Variants in FREM3 observed in about 807,000 individuals in gnomAD.
FREM3 encodes the protein FRAS1 related extracellular matrix 3, also known as FRAS1-related extracellular matrix protein 3.
FREM3 carries 105 observed loss-of-function variants against 129.1 expected under a neutral mutation model. The observed-to-expected ratio is 0.81, with a 90% confidence interval of 0.69 to 0.96. FREM3 has a LOEUF of 0.96. FREM3 is among the 40% of genes least tolerant of loss of function. The pLI is 0.00. For missense variants in FREM3, 2,593 were observed against 2,666.3 expected (o/e 0.97, Z 0.61); for synonymous variants, 1,014 against 1,044.9 (o/e 0.97, Z 0.57).
intron 6 of FREM3, among the ~76,000 whole-genome samples, chr4:143,610,996 C>T (rs895367318): frequency 1.3e-5 from 2 of 152,094 alleles, no homozygotes; most frequent in Admixed American, 1.3e-4. Flanking sequence ...GACTTAGGTC[C>T]TCTCCCTGGC....
rs370145992 is a variant in FREM3 at position 143,624,316 on chromosome 4, A to G, written c.5445T>C (p.Thr1815=). The part of the protein sequence containing the change: ...SFISIGTKDE[T]AKKDKDFKWK... ...ATTTGAAATCTTTGTCTTTTTTTGC[A>G]GTTTCATCTTTGGTACCAATGCCTG... Residue 1815 remains threonine (T), a synonymous_variant, in exon 4 of 8, where the codon ACT becomes ACC. Transcript: ENST00000329798. 2 of 1,536,396 alleles carry G rather than the reference A, an allele frequency of 1.3e-6. No homozygotes were observed. Among genetic ancestry groups the G allele is most frequent in the Non-Finnish European group, 1.7e-6 (2 of 1,146,402 alleles).
intron 2 of FREM3, among the ~76,000 whole-genome samples, chr4:143,673,328 C>T (rs562854364): frequency 1.3e-5 from 2 of 152,354 alleles, no homozygotes; most frequent in East Asian, 3.9e-4. Flanking sequence ...CCCTAAGCTG[C>T]AGGTCTGTTG....
intron 6 of FREM3, among the ~76,000 whole-genome samples, chr4:143,589,863 C>T (rs1738324609): frequency 6.6e-6 from 1 of 152,158 alleles, no homozygotes; most frequent in Admixed American, 6.5e-5. Flanking sequence ...TTGATTCTTC[C>T]TACCCATGAG....
In FREM3 at chr4:143,696,109, A is replaced by C; in HGVS notation, c.4567T>G (p.Phe1523Val). The change falls in exon 1 of 8, where the codon TTC becomes GTC. Residue 1523 changes from phenylalanine (F) to valine (V), a missense_variant. Coordinates refer to ENST00000329798, the MANE Select transcript of FREM3 (RefSeq NM_001168235.2). The part of the protein sequence containing the change: ...FQVIGELYPV[F>V]RTFRIFITDV... ...GTGATGAAGATCCTGAAGGTTCTGA[A>C]CACAGGGTAGAGTTCGCCGATCACT... 6.5e-7 allele frequency: 1 copy of C among 1,537,526 alleles called. No individual in the cohort carries two copies. Among genetic ancestry groups the C allele is most frequent in the East Asian group, 2.4e-5 (1 of 40,912 alleles).
chr4:143,679,405 C>G (rs1410770413), intron 2 of FREM3, among the ~76,000 whole-genome samples: 1 of 152,144 alleles, frequency 6.6e-6, no homozygotes, highest in Non-Finnish European at 1.5e-5. Flanking sequence ...AAATTGCCTA[C>G]AGCAACAGTT....
At chr4:143,611,152 T>C (rs1738748259) in intron 6 of FREM3, 127 bp downstream of exon 6, 2 of 1,043,998 alleles carry the variant, frequency 1.9e-6, no homozygotes, top group South Asian at 1.7e-5. Flanking sequence ...CTCACAGTTT[T>C]TGGAGATAAA....
chr4:143,660,213 T>G (rs1739684977), intron 2 of FREM3, among the ~76,000 whole-genome samples: 3 of 151,260 alleles, frequency 2.0e-5, no homozygotes, highest in African/African-American at 7.4e-5. Context: ...TTTAATGGTT[T>G]TAGGTCTAAC....
chr4:143,690,536 A>T (rs955886798), intron 2 of FREM3, among the ~76,000 whole-genome samples: 1 of 152,030 alleles, frequency 6.6e-6, no homozygotes, highest in East Asian at 1.9e-4. Flanking sequence ...CAACAACAAC[A>T]TCTCCTTCAG....
chr4:143,675,383 T>A (rs1185008652), intron 2 of FREM3, among the ~76,000 whole-genome samples: 1 of 151,794 alleles, frequency 6.6e-6, no homozygotes, highest in East Asian at 1.9e-4. Flanking sequence ...TGGGACACAT[T>A]TAAAGCAGTG....
chr4:143,597,632 T>C (rs1207602733), intron 6 of FREM3, among the ~76,000 whole-genome samples: 1 of 152,168 alleles, frequency 6.6e-6, no homozygotes, highest in Non-Finnish European at 1.5e-5. Context: ...TAACAAACTA[T>C]CTGAAAAGAA....
At chr4:143,667,193 G>T (rs950554496) in intron 2 of FREM3, among the ~76,000 whole-genome samples, 14 of 151,980 alleles carry the variant, frequency 9.2e-5, no homozygotes, top group African/African-American at 3.4e-4. Context: ...ATTTTATGTG[G>T]AAGTTACTAA....
intron 6 of FREM3, among the ~76,000 whole-genome samples, chr4:143,592,998 A>T (rs1012727426): frequency 1.3e-5 from 2 of 152,096 alleles, no homozygotes; most frequent in Non-Finnish European, 2.9e-5. Context: ...TTCATCTTCC[A>T]TCGCTGTTAC....
At chr4:143,668,508 A>G (rs1456672479) in intron 2 of FREM3, among the ~76,000 whole-genome samples, 2 of 152,226 alleles carry the variant, frequency 1.3e-5, no homozygotes, top group African/African-American at 4.8e-5. Flanking sequence ...TTCCTTGATC[A>G]CTTGATTAGC....
intron 6 of FREM3, among the ~76,000 whole-genome samples, chr4:143,591,098 T>G (rs4835201): frequency 0.27 from 40,464 of 152,076 alleles, 6,867 homozygotes; most frequent in East Asian, 0.78. Flanking sequence ...CCTTTGTCAT[T>G]TTTTATTGCG....
In FREM3 at chr4:143,697,748, C is replaced by G; in HGVS notation, c.2928G>C (p.Arg976Ser). 6.5e-7 allele frequency: 1 copy of G among 1,537,604 alleles called. No homozygotes were observed. Among genetic ancestry groups the G allele is most frequent in the Non-Finnish European group, 8.7e-7 (1 of 1,146,972 alleles). ...ACAGCATCAAGTCACCTACATCCTT[C>G]CTTTTGCCATGGATGACACCCATGG... ...EITMGVIHGK[R>S]KDVGDLMLSF... The change falls in exon 1 of 8, where the codon AGG becomes AGC. Residue 976 changes from arginine (R) to serine (S), a missense_variant. Transcript: ENST00000329798.
chr4:143,646,516 C>T (rs1408181000), intron 2 of FREM3, among the ~76,000 whole-genome samples: 2 of 152,072 alleles, frequency 1.3e-5, no homozygotes, highest in Admixed American at 6.6e-5. Flanking sequence ...CCATGCTGGT[C>T]TTGTGATAAT....
intron 5 of FREM3, among the ~76,000 whole-genome samples, chr4:143,612,221 C>T (rs11100796): frequency 0.45 from 68,403 of 152,022 alleles, 15,777 homozygotes; most frequent in African/African-American, 0.53. Flanking sequence ...AAAAGTTGAC[C>T]TGTGTTTCTT....
At position 143,698,021 on chromosome 4, in the gene FREM3, G is replaced by A. The variant is rs1560877702; in HGVS notation, c.2655C>T (p.Val885=). The A allele has an allele frequency of 2.0e-6, 3 of 1,537,340 alleles. No homozygotes were observed. In the South Asian group the frequency reaches 3.6e-5, roughly 18 times the overall value. The change falls in exon 1 of 8, where the codon GTC becomes GTT. Residue 885 remains valine (V), a synonymous_variant. Transcript: ENST00000329798. ...GHLQYFKRCM[V]PGESFMQADV... ...CAGCTTGCATGAAAGATTCCCCTGG[G>A]ACCATACATCTTTTAAAGTACTGCA...
intron 2 of FREM3, among the ~76,000 whole-genome samples, chr4:143,662,403 T>G (rs1321998014): frequency 6.6e-6 from 1 of 152,174 alleles, no homozygotes; most frequent in African/African-American, 2.4e-5. Context: ...TGGTTTTGAG[T>G]GAGTTTCTTA....
Sources: allele counts gnomAD v4.1 joint callset (sites outside exome capture counted in the v4.1 genomes callset), GRCh38; gene constraint gnomAD v4.1.1; transcripts MANE v1.5; gene names NCBI Gene and HGNC (gene_info 2026-07-23, HGNC 2026-07-21).